MALRD1: variants seen among roughly 807,000 people sequenced by gnomAD.
MALRD1 encodes the protein MAM and LDL receptor class A domain containing 1, also known as MAM and LDL-receptor class A domain-containing protein 1.
A neutral mutation model predicts 242.1 loss-of-function variants in MALRD1; 247 were observed. The observed-to-expected ratio is 1.02, with a 90% confidence interval of 0.92 to 1.13. The LOEUF (loss-of-function observed/expected upper bound fraction) is 1.13. MALRD1 is among the 50% of genes most tolerant of loss of function. The pLI is 0.00. For missense variants in MALRD1, 2,989 were observed against 2,533.1 expected (o/e 1.18, Z -3.86); for synonymous variants, 995 against 866.6 (o/e 1.15, Z -2.60).
intron 21 of MALRD1, among the ~76,000 whole-genome samples, chr10:19,314,091 G>A (rs921688258): frequency 6.6e-6 from 1 of 151,496 alleles, no homozygotes; most frequent in Non-Finnish European, 1.5e-5. Context: ...CAGATTCAGC[G>A]AATATTTGCT....
intron 36 of MALRD1, among the ~76,000 whole-genome samples, chr10:19,628,838 G>C (rs1302848852): frequency 6.6e-6 from 1 of 152,188 alleles, no homozygotes; most frequent in Non-Finnish European, 1.5e-5. Context: ...GGCAGAGTCA[G>C]TTGGCTGCTT....
At chr10:19,298,637 T>C (rs1484428661) in intron 21 of MALRD1, among the ~76,000 whole-genome samples, 1 of 151,918 alleles carries the variant, frequency 6.6e-6, no homozygotes, top group African/African-American at 2.4e-5. Flanking sequence ...GAGTGCCTTT[T>C]TAAAAAGCAT....
intron 24 of MALRD1, among the ~76,000 whole-genome samples, chr10:19,344,328 G>A (rs1427872714): frequency 2.6e-5 from 4 of 151,948 alleles, no homozygotes; most frequent in Admixed American, 6.6e-5. Context: ...GTTAATTTTA[G>A]TCTAAAGTGT....
At chr10:19,238,935 TCTTA>T (rs1838629022) in intron 18 of MALRD1, among the ~76,000 whole-genome samples, 12 of 152,038 alleles carry the variant, frequency 7.9e-5, no homozygotes, top group Admixed American at 7.2e-4. Context: ...TGAACTGGTA[TCTTA>T]TTGTGGTTTT....
intron 31 of MALRD1, among the ~76,000 whole-genome samples, chr10:19,512,442 C>T (rs2131292269): frequency 6.6e-6 from 1 of 152,314 alleles, no homozygotes; most frequent in East Asian, 1.9e-4. Context: ...GTTAGTTTTG[C>T]ATAATGCCAT....
At chr10:19,581,923 T>G (rs1351498659) in intron 33 of MALRD1, among the ~76,000 whole-genome samples, 2 of 152,228 alleles carry the variant, frequency 1.3e-5, no homozygotes, top group African/African-American at 4.8e-5. Flanking sequence ...CTAACTGGTG[T>G]GAAATGGTAT....
At chr10:19,696,938 A>G (rs1341808917) in intron 38 of MALRD1, among the ~76,000 whole-genome samples, 1 of 152,112 alleles carries the variant, frequency 6.6e-6, no homozygotes, top group Admixed American at 6.6e-5. Context: ...TATCTTATTC[A>G]TTAGTAATTC....
intron 34 of MALRD1, among the ~76,000 whole-genome samples, chr10:19,607,075 C>T (rs571985090): frequency 2.0e-5 from 3 of 152,110 alleles, no homozygotes; most frequent in Non-Finnish European, 2.9e-5. Flanking sequence ...TCAATAAGGA[C>T]ACTTTTCGAA....
chr10:19,571,376 G>GA (rs927236332), intron 33 of MALRD1, among the ~76,000 whole-genome samples: 70 of 147,720 alleles, frequency 4.7e-4, no homozygotes, highest in Non-Finnish European at 9.0e-4. Context: ...GTTCAAGAAG[G>GA]AAAAAAAAAA....
At chr10:19,575,916 C>G (rs1836799191) in intron 33 of MALRD1, among the ~76,000 whole-genome samples, 1 of 152,188 alleles carries the variant, frequency 6.6e-6, no homozygotes, top group Non-Finnish European at 1.5e-5. Context: ...AATTAGTCCT[C>G]TAGTACCAAT....
chr10:19,626,847 T>C (rs1839678066), intron 36 of MALRD1, among the ~76,000 whole-genome samples: 1 of 152,190 alleles, frequency 6.6e-6, no homozygotes, highest in Admixed American at 6.5e-5. Context: ...TTTAGATTTT[T>C]GTTTGATTTT....
intron 31 of MALRD1, among the ~76,000 whole-genome samples, chr10:19,530,654 TA>T (rs956863009): frequency 4.0e-5 from 6 of 151,566 alleles, no homozygotes; most frequent in African/African-American, 1.5e-4. Flanking sequence ...CAATTGTGTT[TA>T]AATGCAGAAA....
At chr10:19,725,977 A>C (rs1192988952) in intron 38 of MALRD1, among the ~76,000 whole-genome samples, 1 of 152,212 alleles carries the variant, frequency 6.6e-6, no homozygotes, top group Non-Finnish European at 1.5e-5. Context: ...ATGTAAGAGC[A>C]AAAGCCATAA....
chr10:19,439,468 TC>T (rs1834510394), intron 28 of MALRD1, among the ~76,000 whole-genome samples: 1 of 151,532 alleles, frequency 6.6e-6, no homozygotes, highest in African/African-American at 2.4e-5. Flanking sequence ...GCCTGGGAGG[TC>T]AGAGGCTGTA....
intron 29 of MALRD1, among the ~76,000 whole-genome samples, chr10:19,452,018 G>A (rs1293300046): frequency 5.3e-5 from 8 of 152,154 alleles, no homozygotes; most frequent in Admixed American, 4.6e-4. Flanking sequence ...TTAGACATGA[G>A]AATATGCTTC....
At chr10:19,464,509 C>A (rs964244898) in intron 29 of MALRD1, among the ~76,000 whole-genome samples, 5 of 152,094 alleles carry the variant, frequency 3.3e-5, no homozygotes, top group Non-Finnish European at 1.5e-5. Flanking sequence ...TGTCAAAGAT[C>A]AGTTGGCTGT....
chr10:19,469,177 G>A (rs1293520088), intron 29 of MALRD1, among the ~76,000 whole-genome samples: 1 of 152,014 alleles, frequency 6.6e-6, no homozygotes, highest in African/African-American at 2.4e-5. Flanking sequence ...ACACATAAAA[G>A]AGTATTTTTA....
chr10:19,452,972 T>C (rs1835410923), intron 29 of MALRD1, among the ~76,000 whole-genome samples: 1 of 152,166 alleles, frequency 6.6e-6, no homozygotes, highest in Admixed American at 6.5e-5. Flanking sequence ...AAATAGTATT[T>C]TCATCATACG....
At chr10:19,716,548 C>T (rs1834399047) in intron 38 of MALRD1, among the ~76,000 whole-genome samples, 1 of 152,186 alleles carries the variant, frequency 6.6e-6, no homozygotes, top group African/African-American at 2.4e-5. Flanking sequence ...GCCAATCAAA[C>T]CTCTTTTCTT....
Sources: gnomAD v4.1 joint callset for allele counts (sites outside exome capture counted in the v4.1 genomes callset) on GRCh38, gnomAD v4.1.1 for gene constraint, MANE v1.5 for transcripts, NCBI Gene and HGNC (gene_info 2026-07-23, HGNC 2026-07-21) for gene names.